The following ACYP2 variants were observed in gnomAD, a reference collection of about 807,000 sequenced individuals.
ACYP2 encodes the protein acylphosphatase-2.
In ACYP2, 12 loss-of-function variants were observed where a neutral mutation model predicts 11.2. The ratio of observed to expected loss-of-function variants is 1.08; its 90% CI spans 0.69 to 1.74. The LOEUF (loss-of-function observed/expected upper bound fraction) is 1.74. ACYP2 is among the 40% of genes most tolerant of loss of function. ACYP2 has a pLI of 0.00. For missense variants in ACYP2, 134 were observed against 101.9 expected, an observed-to-expected ratio of 1.31 and a Z score of -1.35; for synonymous variants, 43 against 32.2, an observed-to-expected ratio of 1.33 and a Z score of -1.13.
intron 6 of ACYP2, among the ~76,000 whole-genome samples, chr2:54,260,455 C>G (rs547748321): frequency 2.6e-5 from 4 of 152,152 alleles, no homozygotes; most frequent in Non-Finnish European, 4.4e-5. Flanking sequence ...ATTCAACTTA[C>G]AGCTGCAGTG....
chr2:54,147,932 A>G (rs1681969549), intron 6 of ACYP2, among the ~76,000 whole-genome samples: 1 of 152,174 alleles, frequency 6.6e-6, no homozygotes, highest in African/African-American at 2.4e-5. Context: ...GGACTTAAAA[A>G]TGGATATAAA....
At chr2:54,071,704 A>G (rs1384370806) in intron 4 of ACYP2, among the ~76,000 whole-genome samples, 1 of 152,104 alleles carries the variant, frequency 6.6e-6, no homozygotes, top group Non-Finnish European at 1.5e-5. Context: ...TGTATACTCC[A>G]ATGAACAATT....
intron 4 of ACYP2, among the ~76,000 whole-genome samples, chr2:54,129,129 T>C (rs1376782475): frequency 6.6e-6 from 1 of 152,190 alleles, no homozygotes; most frequent in East Asian, 1.9e-4. Context: ...CTGTTTAACA[T>C]GATGCAGCTA....
intron 6 of ACYP2, among the ~76,000 whole-genome samples, chr2:54,225,789 T>A (rs1353973542): frequency 7.7e-6 from 1 of 129,658 alleles, no homozygotes; most frequent in Non-Finnish European, 1.7e-5. Flanking sequence ...ACCTTAAGTA[T>A]TTTTTTTTTA....
At position 54,173,374 on chromosome 2, in the gene ACYP2, C is replaced by T. The variant is rs535008688; in HGVS notation, c.404+34626C>T. Among the ~76,000 whole-genome samples the T allele has an allele frequency of 7.2e-5, 11 of 152,244 alleles. No individual in the cohort carries two copies. The South Asian group carries it at 1.0e-3, about 14-fold the overall frequency. On this transcript the variant is annotated intron_variant, in intron 6 of 6. Transcript: ENST00000607452. The stretch of plus-strand genomic sequence containing the variant: ...GAGAAGTGTCTGTTTATATCCTTTG[C>T]CCACTTTTTGATGGGGTTGTTTTTT...
intron 3 of ACYP2, among the ~76,000 whole-genome samples, chr2:54,054,216 G>A (rs1676007164): frequency 6.6e-6 from 1 of 152,152 alleles, no homozygotes; most frequent in Non-Finnish European, 1.5e-5. Context: ...AACTTATTCT[G>A]GGAACATTAT....
At chr2:54,258,579 A>G (rs1382261550) in intron 6 of ACYP2, among the ~76,000 whole-genome samples, 4 of 152,170 alleles carry the variant, frequency 2.6e-5, no homozygotes, top group Non-Finnish European at 5.9e-5. Flanking sequence ...GTTTTGCGTG[A>G]ATCACTCTGG....
At chr2:54,096,468 A>G (rs1214033117) in intron 4 of ACYP2, among the ~76,000 whole-genome samples, 2 of 151,928 alleles carry the variant, frequency 1.3e-5, no homozygotes, top group Non-Finnish European at 2.9e-5. Flanking sequence ...GCACTTTGGG[A>G]GGCCAAGGCA....
chr2:54,237,363 G>A (rs1191575947), intron 6 of ACYP2, among the ~76,000 whole-genome samples: 3 of 150,054 alleles, frequency 2.0e-5, no homozygotes, highest in Non-Finnish European at 4.4e-5. Context: ...ATCCACGTTT[G>A]CCCTTTTCAT....
At chr2:54,198,999 A>G (rs1278512513) in intron 6 of ACYP2, among the ~76,000 whole-genome samples, 1 of 152,126 alleles carries the variant, frequency 6.6e-6, no homozygotes, top group African/African-American at 2.4e-5. Flanking sequence ...TTCTCTCGTC[A>G]TTTTCAGCAT....
At chr2:54,139,227 G>A (rs994973938) in intron 6 of ACYP2, among the ~76,000 whole-genome samples, 3 of 152,194 alleles carry the variant, frequency 2.0e-5, no homozygotes, top group African/African-American at 7.2e-5. Flanking sequence ...CATTTGAAGT[G>A]TTGTGACAGA....
Position 54,041,069 on chromosome 2 carries a change from T to C in ACYP2, c.63-9889T>C, listed in dbSNP as rs774958433. Among the ~76,000 whole-genome samples, 91 of 151,672 alleles carry C rather than the reference T, an allele frequency of 6.0e-4. 1 individual carries two copies. Among genetic ancestry groups the C allele is most frequent in the Non-Finnish European group, 1.5e-4 (10 of 67,932 alleles). On this transcript the variant is annotated intron_variant, in intron 2 of 6. Coordinates refer to ENST00000607452, the MANE Select transcript of ACYP2 (RefSeq NM_001320586.2). ...AAGCGGTGGCCTTTTCTTTTCTTTT[T>C]TTCTTTTCTTTTCCTCTCTCTCTCT...
At chr2:54,123,826 C>A (rs1007246141) in intron 4 of ACYP2, among the ~76,000 whole-genome samples, 6 of 152,180 alleles carry the variant, frequency 3.9e-5, no homozygotes, top group Admixed American at 3.3e-4. Flanking sequence ...CCAGCCAAGT[C>A]AGCCCCTGTT....
chr2:54,059,190 T>C (rs1292552080), intron 4 of ACYP2, among the ~76,000 whole-genome samples: 3 of 152,112 alleles, frequency 2.0e-5, no homozygotes, highest in East Asian at 1.9e-4. Flanking sequence ...TTCCATCTTA[T>C]CATTTTTCTT....
chr2:54,036,482 C>T (rs1674910562), intron 2 of ACYP2, among the ~76,000 whole-genome samples: 1 of 152,204 alleles, frequency 6.6e-6, no homozygotes, highest in Non-Finnish European at 1.5e-5. Context: ...TGTCTTTTAG[C>T]CCACTTCCAT....
intron 4 of ACYP2, among the ~76,000 whole-genome samples, chr2:54,083,834 C>T (rs1442932945): frequency 6.6e-6 from 1 of 152,176 alleles, no homozygotes; most frequent in Non-Finnish European, 1.5e-5. Context: ...ACCTTGAAAA[C>T]TGACCCAGGG....
At chr2:54,123,455 TTG>T in intron 4 of ACYP2, 1 of 398,560 alleles carries the variant, frequency 2.5e-6, no homozygotes, top group Non-Finnish European at 4.4e-6. Flanking sequence ...TTTCCTTTTT[TTG>T]TGTGTGTGGC....
intron 6 of ACYP2, among the ~76,000 whole-genome samples, chr2:54,245,789 C>T (rs1207196931): frequency 6.6e-6 from 1 of 151,442 alleles, no homozygotes; most frequent in East Asian, 1.9e-4. Context: ...GAATAGTTTG[C>T]ACATATTTTC....
intron 4 of ACYP2, among the ~76,000 whole-genome samples, chr2:54,126,670 G>A (rs926865731): frequency 3.3e-5 from 5 of 150,800 alleles, no homozygotes; most frequent in South Asian, 4.2e-4. Context: ...GCTTCTGGCC[G>A]GGTGCAGTGG....
Sources: gnomAD v4.1 joint callset for allele counts (sites outside exome capture counted in the v4.1 genomes callset) on GRCh38, gnomAD v4.1.1 for gene constraint, MANE v1.5 for transcripts, NCBI Gene and HGNC (gene_info 2026-07-23, HGNC 2026-07-21) for gene names.